BAIAP2: variants seen among roughly 807,000 people sequenced by gnomAD.
BAIAP2 encodes the protein BAR/IMD domain-containing adapter protein 2.
In BAIAP2, 18 loss-of-function variants were observed where a neutral mutation model predicts 63.0. The ratio of observed to expected loss-of-function variants is 0.29; its 90% CI spans 0.20 to 0.42. The LOEUF (loss-of-function observed/expected upper bound fraction) is 0.42. Ranked by LOEUF, BAIAP2 falls within the 10% of genes least tolerant of loss-of-function variation. The probability of loss-of-function intolerance (pLI) is 1.00; values close to 1 mark genes in which losing one functional copy is unlikely to be tolerated. For missense variants in BAIAP2, 610 were observed against 734.3 expected, an observed-to-expected ratio of 0.83 and a Z score of 1.96; for synonymous variants, 386 against 307.6, an observed-to-expected ratio of 1.25 and a Z score of -2.67.
At position 81,068,172 on chromosome 17, in the gene BAIAP2, C is replaced by T. The variant is rs549920088; in HGVS notation, c.217+10205C>T. Among the ~76,000 whole-genome samples the T allele has an allele frequency of 2.8e-4, 42 of 152,348 alleles. No homozygotes were observed. The Middle Eastern group carries it at 0.01, about 37-fold the overall frequency. On this transcript the variant is annotated intron_variant, in intron 3 of 13. Transcript: ENST00000428708. ...TGGTCGCAGCCACGCAGGGAGATGA[C>T]GGCCGGTGCTCTCAGGGCGGCCTCT...
chr17:81,036,003 C>T (rs980391162), intron 1 of BAIAP2: 8 of 152,240 alleles, frequency 5.3e-5, no homozygotes, highest in Admixed American at 4.6e-4. Context: ...ACGTGCCTGC[C>T]TTTGCTTCAG....
Position 81,117,259 on chromosome 17 carries a change from T to C in BAIAP2, c.*1420T>C, listed in dbSNP as rs1284925469. On this transcript the variant is annotated 3_prime_UTR_variant, in exon 14 of 14. Coordinates refer to ENST00000428708, the MANE Select transcript of BAIAP2 (RefSeq NM_001144888.2). ...GCACAGCCCCTCCTGTCCAGGACTT[T>C]ATCATCGGCAGACCTCAGAAGACAA... 1.3e-5 allele frequency: 2 copies of C among 152,208 alleles called. No homozygotes were observed. Among genetic ancestry groups the C allele is most frequent in the African/African-American group, 2.4e-5 (1 of 41,444 alleles). 9.4% of individuals were successfully genotyped at this position (152,208 alleles called of 1,614,324 possible). A position where few individuals can be genotyped will look rare whatever the true frequency, so the allele number is the denominator to read the frequency against.
chr17:81,091,044 CCCCGCCCCCA>C (rs2056651277), intron 6 of BAIAP2, among the ~76,000 whole-genome samples: 4 of 146,774 alleles, frequency 2.7e-5, no homozygotes, highest in Non-Finnish European at 6.0e-5. Flanking sequence ...GTGCATTCCA[CCCCGCCCCCA>C]CTTGTGTGGA....
chr17:81,079,282 G>A (rs1040829210), intron 3 of BAIAP2, among the ~76,000 whole-genome samples: 3 of 152,168 alleles, frequency 2.0e-5, no homozygotes, highest in Admixed American at 1.3e-4. Context: ...TGGGCTCCCT[G>A]GTCACAGGCA....
At chr17:81,050,335 C>T (rs1490591166) in intron 1 of BAIAP2, among the ~76,000 whole-genome samples, 1 of 152,118 alleles carries the variant, frequency 6.6e-6, no homozygotes, top group African/African-American at 2.4e-5. Context: ...AGGGCCGTGC[C>T]CAGGTGTCCT....
intron 3 of BAIAP2, among the ~76,000 whole-genome samples, chr17:81,063,309 C>G (rs914509999): frequency 6.6e-6 from 1 of 152,304 alleles, no homozygotes; most frequent in East Asian, 1.9e-4. Context: ...TGCAACCTGC[C>G]TTTCTCACTG....
intron 3 of BAIAP2, among the ~76,000 whole-genome samples, chr17:81,072,830 G>A (rs2052939994): frequency 1.3e-5 from 2 of 152,024 alleles, no homozygotes; most frequent in Admixed American, 6.5e-5. Flanking sequence ...CTGAGCAGGT[G>A]AACACACCCC....
At chr17:81,089,632 C>T (rs1424569504) in intron 6 of BAIAP2, among the ~76,000 whole-genome samples, 1 of 152,034 alleles carries the variant, frequency 6.6e-6, no homozygotes, top group African/African-American at 2.4e-5. Flanking sequence ...GGAGGGCAGG[C>T]GGAGGGGGAG....
intron 1 of BAIAP2, among the ~76,000 whole-genome samples, chr17:81,036,342 A>G (rs2046263778): frequency 6.6e-6 from 1 of 152,100 alleles, no homozygotes; most frequent in Non-Finnish European, 1.5e-5. Context: ...CGATGAGTGG[A>G]GTGGGTATTT....
chr17:81,113,333 C>A (rs1359441911), intron 13 of BAIAP2, among the ~76,000 whole-genome samples: 1 of 152,246 alleles, frequency 6.6e-6, no homozygotes, highest in East Asian at 1.9e-4. Flanking sequence ...GGGCCATGTC[C>A]TGCAGGAGGT....
At chr17:81,062,182 C>G (rs143838181) in intron 3 of BAIAP2, among the ~76,000 whole-genome samples, 2 of 152,274 alleles carry the variant, frequency 1.3e-5, no homozygotes, top group African/African-American at 2.4e-5. Context: ...AACTCCTGCT[C>G]TCAAGTGATC....
intron 1 of BAIAP2, among the ~76,000 whole-genome samples, chr17:81,039,057 C>A (rs952457463): frequency 2.0e-5 from 3 of 152,258 alleles, no homozygotes; most frequent in African/African-American, 7.2e-5. Flanking sequence ...CCATGGGCAC[C>A]ATCTTGCCGC....
Position 81,103,617 on chromosome 17 carries a change from C to A in BAIAP2, c.758C>A (p.Thr253Asn), listed in dbSNP as rs768826195. 6.2e-7 allele frequency: 1 copy of A among 1,605,734 alleles called. No individual in the cohort carries two copies. Reference protein sequence around the residue: ...LMQQVASNGATLPSALSASKS... With the variant: ...LMQQVASNGANLPSALSASKS... ...CAGCAGGTGGCCAGCAACGGCGCCA[C>A]CCTCCCCAGCGCCCTGTCGGCCTCC... is the stretch of plus-strand genomic sequence containing the variant. Residue 253 changes from threonine (T) to asparagine (N), a missense_variant, in exon 8 of 14, where the codon ACC (threonine) becomes AAC (asparagine). Coordinates refer to ENST00000428708, the MANE Select transcript of BAIAP2 (RefSeq NM_001144888.2).
At chr17:81,063,446 CT>C (rs2050931644) in intron 3 of BAIAP2, among the ~76,000 whole-genome samples, 2 of 152,242 alleles carry the variant, frequency 1.3e-5, no homozygotes, top group Non-Finnish European at 1.5e-5. Context: ...TGAGTTACCC[CT>C]GGTGAGTTTT....
intron 1 of BAIAP2, 48 bp from the exon 2 acceptor site, chr17:81,053,620 C>G (rs2049015320): frequency 6.2e-7 from 1 of 1,607,392 alleles, no homozygotes; most frequent in South Asian, 1.1e-5. Flanking sequence ...TCGGAGTCAC[C>G]AGGGTGACCT....
intron 6 of BAIAP2, among the ~76,000 whole-genome samples, chr17:81,091,442 G>A (rs1189879286): frequency 1.3e-5 from 2 of 152,092 alleles, no homozygotes; most frequent in Non-Finnish European, 2.9e-5. Flanking sequence ...GCAGCCCGGG[G>A]GTGTCTACGC....
chr17:81,059,123 G>GCC lies in BAIAP2; in HGVS notation c.217+1165_217+1166dup, dbSNP rs145916501. On this transcript the variant is annotated intron_variant, in intron 3 of 13. Transcript: ENST00000428708. ...CAGCCCCCTGCGGACCCTCATCGGA[G>GCC]CCCCCCCCCCACGCCCCCACAGGCT... is the stretch of plus-strand genomic sequence containing the variant. Among the ~76,000 whole-genome samples, 736 of 150,186 alleles carry GCC rather than the reference G, an allele frequency of 4.9e-3. 5 individuals are homozygous for GCC. Among genetic ancestry groups the GCC allele is most frequent in the African/African-American group, 0.017 (710 of 40,788 alleles).
chr17:81,109,188 C>T (rs1378303543), intron 13 of BAIAP2: 33 of 1,407,622 alleles, frequency 2.3e-5, no homozygotes, highest in Non-Finnish European at 2.8e-5. Flanking sequence ...TCCATCCGCC[C>T]CCCCTCCCCT....
intron 1 of BAIAP2, among the ~76,000 whole-genome samples, chr17:81,038,049 C>T (rs2046532885): frequency 6.6e-6 from 1 of 152,206 alleles, no homozygotes; most frequent in Non-Finnish European, 1.5e-5. Flanking sequence ...CTTCTGGGGG[C>T]ACTGCGTGGG....
Sources: gnomAD v4.1 joint callset for allele counts (sites outside exome capture counted in the v4.1 genomes callset) on GRCh38, gnomAD v4.1.1 for gene constraint, MANE v1.5 for transcripts, NCBI Gene and HGNC (gene_info 2026-07-23, HGNC 2026-07-21) for gene names.